XRCC3: variants seen among roughly 807,000 people sequenced by gnomAD.
The protein encoded by XRCC3 is X-ray repair cross complementing 3.
Under a neutral mutation model 29.2 loss-of-function variants are expected in XRCC3, and 34 were observed. That is an observed-to-expected ratio of 1.16 (90% CI 0.88 to 1.55). The LOEUF (loss-of-function observed/expected upper bound fraction) is 1.55, where lower values mean the gene tolerates loss of function less well. Ranked by LOEUF, XRCC3 falls within the 40% of genes most tolerant of loss-of-function variation. The pLI is 0.00. For synonymous variants in XRCC3, 223 were observed against 211.3 expected (o/e 1.06, Z -0.48); for missense variants, 463 against 467.6 (o/e 0.99, Z 0.09).
intron 9 of XRCC3, 33 bp downstream of exon 9, chr14:103,699,098 GCA>G (rs1434108006): frequency 3.2e-6 from 5 of 1,566,364 alleles, no homozygotes; most frequent in East Asian, 4.8e-5. Flanking sequence ...CCTGGCACCT[GCA>G]CAGAGGTGCA....
chr14:103,700,668 G>A (rs531849628), intron 7 of XRCC3: 12 of 1,607,478 alleles, frequency 7.5e-6, no homozygotes, highest in South Asian at 3.3e-5. Flanking sequence ...GTCTCTGGCC[G>A]AGCCTCTTTT....
At chr14:103,707,336 G>A (rs2083470903) in intron 5 of XRCC3, 121 bp from the exon 6 acceptor site, 2 of 1,282,280 alleles carry the variant, frequency 1.6e-6, no homozygotes, top group Non-Finnish European at 2.2e-6. Flanking sequence ...ACAGGTGCCT[G>A]CGGTCATGGG....
intron 7 of XRCC3, chr14:103,700,087 T>G (rs1232270452): frequency 4.5e-6 from 1 of 220,606 alleles, no homozygotes; most frequent in Non-Finnish European, 9.2e-6. Flanking sequence ...CTGATGCCCT[T>G]CAGGCGTTAC....
Position 103,698,645 on chromosome 14 carries a change from A to G in XRCC3, c.*153T>C. On this transcript the variant is annotated 3_prime_UTR_variant, in exon 10 of 10. Coordinates refer to ENST00000555055, the MANE Select transcript of XRCC3 (RefSeq NM_005432.4). ...AGATGGGGGTCAGTCTGTGGCCACC[A>G]TCTTCGGATGAGAAAGTGGAGCCGC... 1.4e-6 allele frequency: 1 copy of G among 724,788 alleles called. No homozygotes were observed. Among genetic ancestry groups the G allele is most frequent in the South Asian group, 1.7e-5 (1 of 59,876 alleles). The allele number at this position is 724,788 out of a possible 1,614,324, so 44.9% of individuals were successfully genotyped here. A position where few individuals can be genotyped will look rare whatever the true frequency, so the allele number is the denominator to read the frequency against.
chr14:103,702,979 CCT>C lies in XRCC3; in HGVS notation c.561+192_561+193del, dbSNP rs2083285633. 7.4e-6 allele frequency: 6 copies of C among 808,472 alleles called. No homozygotes were observed. The East Asian group carries it at 8.2e-5, about 11-fold the overall frequency. The allele number at this position is 808,472 out of a possible 1,614,324, so 50.1% of individuals were successfully genotyped here. On this transcript the variant is annotated intron_variant, in intron 7 of 9. Transcript: ENST00000555055. Reference sequence around the variant, plus strand: ...GCCAGAATTCCCTCCCCTGCCAGTTCCTCTCAGTCACTCTCCATCCTCTGACC... The same window carrying C: ...GCCAGAATTCCCTCCCCTGCCAGTTCCTCAGTCACTCTCCATCCTCTGACC...
chr14:103,708,382 G>A, intron 5 of XRCC3, 140 bp downstream of exon 5: 6 of 1,276,810 alleles, frequency 4.7e-6, no homozygotes, highest in Non-Finnish European at 4.4e-6. Flanking sequence ...AGCAAGATGG[G>A]AACTCTGGGG....
intron 7 of XRCC3, chr14:103,700,565 G>A: frequency 9.4e-7 from 1 of 1,058,742 alleles, no homozygotes; most frequent in Non-Finnish European, 1.4e-6. Context: ...AAGGTCTGCA[G>A]CCACACGCTG....
chr14:103,711,354 C>T (rs1254274661), intron 3 of XRCC3, 109 bp from the exon 4 acceptor site: 1 of 654,172 alleles, frequency 1.5e-6, no homozygotes, highest in African/African-American at 1.8e-5. Flanking sequence ...GAACCCATTC[C>T]AGACACTGAT....
At position 103,699,403 on chromosome 14, in the gene XRCC3, C is replaced by T. The variant is rs566710190; in HGVS notation, c.735G>A (p.Leu245=). 1 of 1,612,114 alleles carries T rather than the reference C, an allele frequency of 6.2e-7. No individual in the cohort carries two copies. Among genetic ancestry groups the T allele is most frequent in the Non-Finnish European group, 8.5e-7 (1 of 1,179,654 alleles). ...LQSLGATLRE[L]SSAFQSPVLC... Reference sequence around the variant, plus strand: ...GCACAGGGCTCTGGAAGGCACTGCTCAGCTCACGCAGCGTGGCCCCCAGGG... The same window carrying T: ...GCACAGGGCTCTGGAAGGCACTGCTTAGCTCACGCAGCGTGGCCCCCAGGG... The change falls in exon 8 of 10, where the codon CTG becomes CTA. Residue 245 remains leucine, a synonymous_variant. Coordinates refer to ENST00000555055, the MANE Select transcript of XRCC3 (RefSeq NM_005432.4).
At chr14:103,714,772 C>T (rs1393901282) in intron 1 of XRCC3, among the ~76,000 whole-genome samples, 3 of 152,190 alleles carry the variant, frequency 2.0e-5, no homozygotes, top group Non-Finnish European at 4.4e-5. Context: ...CTCCGCCTCC[C>T]GGGTCCTGGT....
At chr14:103,708,491 A>G in intron 5 of XRCC3, 31 bp downstream of exon 5, 1 of 1,612,214 alleles carries the variant, frequency 6.2e-7, no homozygotes, top group Non-Finnish European at 8.5e-7. Flanking sequence ...GCCACATGTC[A>G]CCCCTGGCAG....
In XRCC3 at chr14:103,706,581, G is replaced by C. The variant is rs1291285837; in HGVS notation, c.406+422C>G. ...AGGGAACCCTCGTTTCACAGACAGA[G>C]CGTACAGGCTCACGGGGCCGCGCCA... On this transcript the variant is annotated intron_variant, in intron 6 of 9. Transcript: ENST00000555055. The C allele has an allele frequency of 7.9e-6, 3 of 377,568 alleles. No individual in the cohort carries two copies. The Admixed American group carries it at 1.0e-4, about 13-fold the overall frequency. The allele number at this position is 377,568 out of a possible 1,614,324, so 23.4% of individuals were successfully genotyped here.
intron 7 of XRCC3, chr14:103,699,902 G>A: frequency 5.0e-6 from 2 of 396,720 alleles, no homozygotes; most frequent in East Asian, 5.6e-5. Flanking sequence ...CCTTGCGGGG[G>A]TCTGCTCTCC....
rs188768970 is a variant in XRCC3 at position 103,699,421 on chromosome 14, C to T, written c.717G>A (p.Gly239=). 27 of 1,612,732 alleles carry T rather than the reference C, an allele frequency of 1.7e-5. No individual in the cohort carries two copies. In the East Asian group the frequency reaches 2.2e-4, roughly 13 times the overall value. Reference sequence around the variant, plus strand: ...CACTGCTCAGCTCACGCAGCGTGGCCCCCAGGGACTGCAGATGCCTGGCCC... The same window carrying T: ...CACTGCTCAGCTCACGCAGCGTGGCTCCCAGGGACTGCAGATGCCTGGCCC... ...APRARHLQSL[G]ATLRELSSAF... Residue 239 remains glycine (G), a synonymous_variant, in exon 8 of 10, where the codon GGG becomes GGA. Transcript: ENST00000555055.
Position 103,698,723 on chromosome 14 carries a change from G to T in XRCC3, c.*75C>A. The T allele has an allele frequency of 7.4e-7, 1 of 1,360,536 alleles. No individual in the cohort carries two copies. The highest frequency in any genetic ancestry group is 1.0e-6 in the Non-Finnish European group (1 of 976,526). 84.3% of individuals were successfully genotyped at this position (1,360,536 alleles called of 1,614,324 possible). A position where few individuals can be genotyped will look rare whatever the true frequency, so the allele number is the denominator to read the frequency against. ...GGCTCCCAGCTGTGCCACGGCCCAG[G>T]CAGACGCGTTTTAAAGGCCCGAGCC... is the stretch of plus-strand genomic sequence containing the variant. On this transcript the variant is annotated 3_prime_UTR_variant, in exon 10 of 10. Transcript: ENST00000555055.
Position 103,711,220 on chromosome 14 carries a change from G to A in XRCC3, c.-133C>T, listed in dbSNP as rs866773973. ...AACCAGGGAAGTGACAGCAGCCGAG[G>A]TGTCCGTGTCATCGGGGCTCTGTCA... On this transcript the variant is annotated 5_prime_UTR_variant, in exon 4 of 10. Coordinates refer to ENST00000555055, the MANE Select transcript of XRCC3 (RefSeq NM_005432.4). 1.3e-5 allele frequency: 12 copies of A among 920,004 alleles called. No individual in the cohort carries two copies. Among genetic ancestry groups the A allele is most frequent in the Middle Eastern group, 4.2e-4 (2 of 4,754 alleles). The allele number at this position is 920,004 out of a possible 1,614,324, so 57.0% of individuals were successfully genotyped here. A position where few individuals can be genotyped will look rare whatever the true frequency, so the allele number is the denominator to read the frequency against.
chr14:103,714,792 TCTC>T (rs1366454385), intron 1 of XRCC3, among the ~76,000 whole-genome samples: 5 of 152,052 alleles, frequency 3.3e-5, no homozygotes, highest in African/African-American at 1.2e-4. Flanking sequence ...TTCAAACAAT[TCTC>T]CTGCCTCAGC....
chr14:103,704,470 G>C (rs1406464157), intron 6 of XRCC3: 3 of 152,246 alleles, frequency 2.0e-5, no homozygotes, highest in Admixed American at 1.3e-4. Flanking sequence ...GCAGTGGTGC[G>C]ATCTCGGCTC....
chr14:103,703,453 G>A (rs539010627), intron 6 of XRCC3, 126 bp from the exon 7 acceptor site: 50 of 1,151,024 alleles, frequency 4.3e-5, no homozygotes, highest in South Asian at 6.6e-5. Flanking sequence ...TTTGCCCCTC[G>A]CCTGGGGAGG....
Sources: gnomAD v4.1 joint callset for allele counts (sites outside exome capture counted in the v4.1 genomes callset) on GRCh38, gnomAD v4.1.1 for gene constraint, MANE v1.5 for transcripts, NCBI Gene and HGNC (gene_info 2026-07-23, HGNC 2026-07-21) for gene names.